ZNF536: variants seen among roughly 807,000 people sequenced by gnomAD.
ZNF536 encodes the protein zinc finger protein 536.
Under a neutral mutation model 84.5 loss-of-function variants are expected in ZNF536, and 13 were observed. The observed-to-expected ratio is 0.15, with a 90% CI of 0.10 to 0.24. ZNF536 has a LOEUF of 0.24. Ranked by LOEUF, ZNF536 falls within the 10% of genes least tolerant of loss-of-function variation. ZNF536 has a pLI of 1.00. For synonymous variants in ZNF536, 811 were observed against 742.5 expected, an observed-to-expected ratio of 1.09 and a Z score of -1.50; for missense variants, 1,536 against 1,747.5, an observed-to-expected ratio of 0.88 and a Z score of 2.16.
intron 1 of ZNF536, among the ~76,000 whole-genome samples, chr19:30,417,108 G>A (rs1156624875): frequency 1.3e-5 from 2 of 150,754 alleles, no homozygotes; most frequent in African/African-American, 4.9e-5. Context: ...TGAATAGCTG[G>A]GATTACAGGT....
intron 3 of ZNF536, among the ~76,000 whole-genome samples, chr19:30,365,125 A>G (rs1224108354): frequency 6.6e-6 from 1 of 152,256 alleles, no homozygotes; most frequent in Non-Finnish European, 1.5e-5. Context: ...TATGAAATGA[A>G]CACGTAATTA....
chr19:30,473,876 A>G (rs1012136299), intron 2 of ZNF536, among the ~76,000 whole-genome samples: 1 of 152,208 alleles, frequency 6.6e-6, no homozygotes, highest in Non-Finnish European at 1.5e-5. Flanking sequence ...CAGGGTCCAG[A>G]TCTCAGTTCC....
At chr19:30,246,084 C>A (rs549565694) in intron 1 of ZNF536, among the ~76,000 whole-genome samples, 8 of 152,256 alleles carry the variant, frequency 5.3e-5, no homozygotes, top group Non-Finnish European at 7.4e-5. Flanking sequence ...ATTGGTGAGC[C>A]GCTCATCTGA....
intron 2 of ZNF536, among the ~76,000 whole-genome samples, chr19:30,324,256 T>C (rs1387452195): frequency 1.3e-5 from 2 of 152,136 alleles, no homozygotes; most frequent in African/African-American, 4.8e-5. Context: ...ATCCATCCCA[T>C]CCATCATCCA....
At chr19:30,522,833 T>C (rs74639828) in intron 2 of ZNF536, among the ~76,000 whole-genome samples, 7,306 of 152,294 alleles carry the variant, frequency 0.048, 500 homozygotes, top group African/African-American at 0.16. Context: ...AATATGGTTC[T>C]AAATATATAT....
At chr19:30,519,155 C>T (rs758670258) in intron 2 of ZNF536, among the ~76,000 whole-genome samples, 14 of 152,360 alleles carry the variant, frequency 9.2e-5, no homozygotes, top group Non-Finnish European at 1.6e-4. Flanking sequence ...CCAACACCTG[C>T]GCAGCCTATC....
At chr19:30,679,386 T>C (rs568379095) in intron 1 of ZNF536, among the ~76,000 whole-genome samples, 10 of 152,320 alleles carry the variant, frequency 6.6e-5, no homozygotes, top group African/African-American at 2.2e-4. Flanking sequence ...TGAGTCTTTC[T>C]TGGCTGCAGC....
chr19:30,349,865 A>G (rs1239257114), intron 2 of ZNF536, among the ~76,000 whole-genome samples: 1 of 152,186 alleles, frequency 6.6e-6, no homozygotes, highest in African/African-American at 2.4e-5. Flanking sequence ...AGAAAGTGAT[A>G]TCGCATCTTC....
chr19:30,613,698 A>G (rs530373961), intron 1 of ZNF536, among the ~76,000 whole-genome samples: 1 of 152,316 alleles, frequency 6.6e-6, no homozygotes, highest in South Asian at 2.1e-4. Flanking sequence ...CTTGTATAAG[A>G]AGAATTGAGT....
chr19:30,469,205 G>A (rs559250210), intron 2 of ZNF536, among the ~76,000 whole-genome samples: 29 of 152,292 alleles, frequency 1.9e-4, no homozygotes, highest in Middle Eastern at 3.4e-3. Flanking sequence ...ACGAGGTCAG[G>A]AGGTCGAGAC....
chr19:30,313,254 C>T (rs760040085), intron 2 of ZNF536, among the ~76,000 whole-genome samples: 2 of 152,180 alleles, frequency 1.3e-5, no homozygotes, highest in African/African-American at 2.4e-5. Context: ...CCTGTCCAGG[C>T]GCCTTGTACA....
chr19:30,688,901 C>T (rs964055968), intron 1 of ZNF536, among the ~76,000 whole-genome samples: 1 of 152,206 alleles, frequency 6.6e-6, no homozygotes, highest in African/African-American at 2.4e-5. Context: ...GTTTCACCTC[C>T]TGGGGACTGG....
intron 1 of ZNF536, among the ~76,000 whole-genome samples, chr19:30,623,139 C>T (rs1434019676): frequency 6.6e-6 from 1 of 150,594 alleles, no homozygotes; most frequent in Non-Finnish European, 1.5e-5. Context: ...TTGTCTCCTA[C>T]CCCATATCCA....
At chr19:30,402,550 A>G (rs1369395040) in intron 1 of ZNF536, among the ~76,000 whole-genome samples, 1 of 151,854 alleles carries the variant, frequency 6.6e-6, no homozygotes, top group Admixed American at 6.6e-5. Context: ...GACTCTGATC[A>G]TTTGAAACAA....
chr19:30,615,754 C>T (rs576694731), intron 1 of ZNF536, among the ~76,000 whole-genome samples: 4 of 152,198 alleles, frequency 2.6e-5, no homozygotes, highest in Admixed American at 6.5e-5. Flanking sequence ...TGGAGTCTTA[C>T]GTCTAAGAGC....
exon 2 of ZNF536, chr19:30,713,156 T>C (rs1197015419): frequency 6.6e-6 from 1 of 152,220 alleles, no homozygotes; most frequent in Non-Finnish European, 1.5e-5. Context: ...TGTCCAGTGC[T>C]GCTGTCCTTC....
intron 1 of ZNF536, among the ~76,000 whole-genome samples, chr19:30,239,344 G>A (rs577378384): frequency 1.3e-5 from 2 of 152,310 alleles, no homozygotes; most frequent in East Asian, 3.9e-4. Flanking sequence ...GCTTATCCAT[G>A]GTGGTGTGAC....
chr19:30,489,055 C>G (rs1442628515), intron 2 of ZNF536, among the ~76,000 whole-genome samples: 1 of 152,266 alleles, frequency 6.6e-6, no homozygotes, highest in Middle Eastern at 3.4e-3. Context: ...GACCAGCCCC[C>G]TTGTGGAATC....
upstream of ZNF536, among the ~76,000 whole-genome samples, chr19:30,368,641 A>G (rs548328985): frequency 2.5e-4 from 38 of 152,302 alleles, no homozygotes; most frequent in African/African-American, 8.9e-4. Context: ...CACGTTGATG[A>G]CCCTTACATA....
Sources: gnomAD v4.1 joint callset for allele counts (sites outside exome capture counted in the v4.1 genomes callset) on GRCh38, gnomAD v4.1.1 for gene constraint, MANE v1.5 for transcripts, NCBI Gene and HGNC (gene_info 2026-07-23, HGNC 2026-07-21) for gene names.